Variants in EPB41L3 observed in about 807,000 individuals in gnomAD.
EPB41L3 encodes the protein erythrocyte membrane protein band 4.1 like 3.
EPB41L3 carries 57 observed loss-of-function variants against 127.1 expected under a neutral mutation model. The observed-to-expected ratio is 0.45, with a 90% confidence interval of 0.36 to 0.56. The LOEUF (loss-of-function observed/expected upper bound fraction) is 0.56. Ranked by LOEUF, EPB41L3 falls within the 20% of genes least tolerant of loss-of-function variation. EPB41L3 has a pLI of 0.00. For missense variants in EPB41L3, 1,273 were observed against 1,372.2 expected (o/e 0.93, Z 1.14); for synonymous variants, 572 against 549.5 (o/e 1.04, Z -0.57).
At chr18:5,561,000 T>C (rs12604219) in intron 3 of EPB41L3, among the ~76,000 whole-genome samples, 18,749 of 128,800 alleles carry the variant, frequency 0.15, 2,480 homozygotes, top group Middle Eastern at 0.24. Flanking sequence ...TATTTTGAGA[T>C]GGAGTCTCGC....
intron 16 of EPB41L3, among the ~76,000 whole-genome samples, chr18:5,402,986 C>T (rs1229504213): frequency 6.6e-6 from 1 of 152,152 alleles, no homozygotes; most frequent in African/African-American, 2.4e-5. Context: ...AACTATCACT[C>T]ATATGAAAGA....
At chr18:5,475,117 T>C (rs2086915887) in intron 3 of EPB41L3, among the ~76,000 whole-genome samples, 1 of 152,188 alleles carries the variant, frequency 6.6e-6, no homozygotes, top group Non-Finnish European at 1.5e-5. Flanking sequence ...CCTATTTCTC[T>C]AACCATTCCT....
chr18:5,474,091 C>G (rs1016008428), intron 3 of EPB41L3, among the ~76,000 whole-genome samples: 1 of 151,688 alleles, frequency 6.6e-6, no homozygotes, highest in East Asian at 1.9e-4. Flanking sequence ...ATTAGCCGGG[C>G]GTGGTGGTGG....
intron 3 of EPB41L3, among the ~76,000 whole-genome samples, chr18:5,549,617 T>C (rs1259897670): frequency 1.3e-5 from 2 of 152,192 alleles, no homozygotes; most frequent in African/African-American, 2.4e-5. Context: ...ACCATTGATA[T>C]CAGAATCATT....
chr18:5,477,161 A>G (rs2087408848), intron 3 of EPB41L3, among the ~76,000 whole-genome samples: 1 of 152,330 alleles, frequency 6.6e-6, no homozygotes, highest in African/African-American at 2.4e-5. Flanking sequence ...CACATTATAA[A>G]AACATAACAG....
chr18:5,611,008 C>T (rs2094719378), intron 3 of EPB41L3, among the ~76,000 whole-genome samples: 1 of 152,144 alleles, frequency 6.6e-6, no homozygotes, highest in African/African-American at 2.4e-5. Context: ...ATAAGCTTTC[C>T]ACATGAGCAG....
At chr18:5,612,309 C>T (rs765966708) in intron 3 of EPB41L3, 4 of 152,204 alleles carry the variant, frequency 2.6e-5, no homozygotes, top group Non-Finnish European at 2.9e-5. Context: ...GCCTAAAAGA[C>T]ACTGGAAGAA....
upstream of EPB41L3, among the ~76,000 whole-genome samples, chr18:5,545,862 C>T (rs1376223998): frequency 7.4e-6 from 1 of 135,716 alleles, no homozygotes; most frequent in Non-Finnish European, 1.6e-5. Flanking sequence ...CACATACGCA[C>T]CTGTATGACT....
intron 3 of EPB41L3, among the ~76,000 whole-genome samples, chr18:5,448,293 A>G (rs1025891815): frequency 5.9e-5 from 9 of 152,280 alleles, no homozygotes; most frequent in African/African-American, 2.2e-4. Context: ...CATGACATGA[A>G]ACTTATTTTC....
intron 1 of EPB41L3, among the ~76,000 whole-genome samples, chr18:5,622,219 T>C (rs905752060): frequency 1.3e-5 from 2 of 152,218 alleles, no homozygotes; most frequent in South Asian, 2.1e-4. Flanking sequence ...CCATTAAATA[T>C]GGACTTTCAG....
At chr18:5,446,065 T>C (rs979415317) in intron 3 of EPB41L3, among the ~76,000 whole-genome samples, 1 of 152,204 alleles carries the variant, frequency 6.6e-6, no homozygotes, top group Admixed American at 6.5e-5. Flanking sequence ...TTAGGCAGAC[T>C]CTCACTTAAA....
intron 2 of EPB41L3, among the ~76,000 whole-genome samples, chr18:5,487,305 T>G (rs1362630463): frequency 6.6e-6 from 1 of 151,614 alleles, no homozygotes. Flanking sequence ...AGTAGAATGG[T>G]GATTACGTGA....
intron 1 of EPB41L3, among the ~76,000 whole-genome samples, chr18:5,514,005 G>C (rs867198835): frequency 6.6e-6 from 1 of 152,262 alleles, no homozygotes; most frequent in Middle Eastern, 3.4e-3. Context: ...TAATGACTTT[G>C]GTCATGTTAC....
chr18:5,613,954 A>G (rs1335060322), intron 2 of EPB41L3, among the ~76,000 whole-genome samples: 1 of 152,246 alleles, frequency 6.6e-6, no homozygotes, highest in African/African-American at 2.4e-5. Flanking sequence ...TCAATAGATA[A>G]CATGTATAAA....
At chr18:5,458,655 C>T (rs919427193) in intron 3 of EPB41L3, among the ~76,000 whole-genome samples, 4 of 152,156 alleles carry the variant, frequency 2.6e-5, no homozygotes, top group Non-Finnish European at 2.9e-5. Context: ...GAAAAAAACA[C>T]ATGAATAACA....
intron 2 of EPB41L3, 94 bp from the exon 3 acceptor site, chr18:5,478,532 T>C (rs757163117): frequency 2.7e-6 from 3 of 1,100,030 alleles, no homozygotes; most frequent in East Asian, 2.4e-5. Flanking sequence ...TTCTATTTCA[T>C]AGAGGAGAGG....
chr18:5,601,075 G>A (rs1218995699), intron 3 of EPB41L3, among the ~76,000 whole-genome samples: 1 of 152,000 alleles, frequency 6.6e-6, no homozygotes, highest in Non-Finnish European at 1.5e-5. Context: ...CAAAATACAT[G>A]GATATTTTGC....
rs560984641 is a variant in EPB41L3 at position 5,601,002 on chromosome 18, T to A, written c.-306+11338A>T. Reference sequence around the variant, plus strand: ...CATGGCATTCCAGTTAGAGATACATTGTTGTCAAACAACAACAACAGCTCT... The same window carrying A: ...CATGGCATTCCAGTTAGAGATACATAGTTGTCAAACAACAACAACAGCTCT... On this transcript the variant is annotated intron_variant, in intron 3 of 21. Transcript: ENST00000545076. 2.6e-5 allele frequency among the ~76,000 whole-genome samples: 4 copies of A among 152,284 alleles called. No homozygotes were observed. In the South Asian group the frequency reaches 6.2e-4, roughly 24 times the overall value.
At chr18:5,630,216 C>T (rs1236027176), upstream of EPB41L3, among the ~76,000 whole-genome samples, 2 of 152,202 alleles carry the variant, frequency 1.3e-5, no homozygotes, top group Non-Finnish European at 2.9e-5. Context: ...CCGGGCGGAC[C>T]CGGCCAGGCA....
Sources: gnomAD v4.1 joint callset for allele counts (sites outside exome capture counted in the v4.1 genomes callset) on GRCh38, gnomAD v4.1.1 for gene constraint, MANE v1.5 for transcripts, NCBI Gene and HGNC (gene_info 2026-07-23, HGNC 2026-07-21) for gene names.